Variants in DNAI4 observed in about 807,000 individuals in gnomAD.
DNAI4 encodes dynein axonemal intermediate chain 4, also known as WD repeat domain 78.
A neutral mutation model predicts 105.8 loss-of-function variants in DNAI4; 85 were observed. The observed-to-expected ratio is 0.80, with a 90% CI of 0.67 to 0.96. DNAI4 has a LOEUF of 0.96. DNAI4 is among the 40% of genes least tolerant of loss of function. The pLI, the probability that DNAI4 is intolerant of heterozygous loss-of-function variation, is 0.00. For synonymous variants in DNAI4, 352 were observed against 331.5 expected (o/e 1.06, Z -0.67); for missense variants, 1,014 against 1,005.6 (o/e 1.01, Z -0.11).
chr1:66,894,051 A>C (rs191469915), intron 2 of DNAI4, among the ~76,000 whole-genome samples: 40 of 152,334 alleles, frequency 2.6e-4, no homozygotes, highest in African/African-American at 9.6e-4. Flanking sequence ...TGATAATAAT[A>C]ATAAATTATG....
chr1:66,843,901 G>A (rs962227590), intron 8 of DNAI4, among the ~76,000 whole-genome samples: 6 of 151,546 alleles, frequency 4.0e-5, no homozygotes, highest in East Asian at 1.9e-4. Context: ...TCTTGACCAC[G>A]ATAGCTTTAT....
chr1:66,863,455 A>G (rs1389747520), intron 6 of DNAI4, among the ~76,000 whole-genome samples: 3 of 151,562 alleles, frequency 2.0e-5, no homozygotes, highest in Non-Finnish European at 2.9e-5. Flanking sequence ...TTGTTTGTTT[A>G]TTTGTTTGTT....
chr1:66,890,475 T>C lies in DNAI4; in HGVS notation c.643+679A>G, dbSNP rs182487502. 5.2e-3 allele frequency: 802 copies of C among 153,090 alleles called. 8 individuals carry two copies. The highest frequency in any genetic ancestry group is 0.018 in the African/African-American group (765 of 41,520). The allele number at this position is 153,090 out of a possible 1,614,324, so 9.5% of individuals were successfully genotyped here. Reference sequence around the variant, plus strand: ...TTAGCCAGGCATGGTGGCGGACACCTGCAATCCCAGCTACTTGGGAGGCTG... The same window carrying C: ...TTAGCCAGGCATGGTGGCGGACACCCGCAATCCCAGCTACTTGGGAGGCTG... On this transcript the variant is annotated intron_variant, in intron 4 of 16. Transcript: ENST00000371026. The surrounding 1 kb of genome is among the most constrained non-coding windows in gnomAD (Gnocchi z 4.1).
intron 16 of DNAI4, among the ~76,000 whole-genome samples, chr1:66,822,066 T>C (rs928523836): frequency 5.9e-5 from 9 of 152,136 alleles, no homozygotes; most frequent in African/African-American, 1.7e-4. Context: ...TTAAGAATTA[T>C]TAAGTCCCAA....
intron 16 of DNAI4, among the ~76,000 whole-genome samples, chr1:66,821,151 T>G (rs1371492310): frequency 7.4e-6 from 1 of 134,494 alleles, no homozygotes; most frequent in Non-Finnish European, 1.5e-5. Flanking sequence ...CAGGCTGGAG[T>G]GCAGTGGCGC....
At chr1:66,846,410 T>C (rs1294498690) in intron 8 of DNAI4, among the ~76,000 whole-genome samples, 1 of 152,188 alleles carries the variant, frequency 6.6e-6, no homozygotes, top group Non-Finnish European at 1.5e-5. Context: ...AAAGGAAGTT[T>C]CCTTAATCCA....
intron 6 of DNAI4, among the ~76,000 whole-genome samples, chr1:66,866,349 T>C (rs1380958687): frequency 6.6e-6 from 1 of 151,842 alleles, no homozygotes; most frequent in African/African-American, 2.4e-5. Flanking sequence ...GCAAGCTAGA[T>C]GCAGAAAAGA....
chr1:66,827,472 C>G (rs935030751), intron 14 of DNAI4, among the ~76,000 whole-genome samples: 1 of 151,774 alleles, frequency 6.6e-6, no homozygotes, highest in East Asian at 1.9e-4. Context: ...GCCTGGGTAA[C>G]AGTGAGACCC....
At chr1:66,869,066 C>G (rs1646788273) in intron 6 of DNAI4, among the ~76,000 whole-genome samples, 1 of 141,096 alleles carries the variant, frequency 7.1e-6, no homozygotes, top group African/African-American at 3.0e-5. Flanking sequence ...GAGTGAGACT[C>G]TGTCTCAAAA....
intron 1 of DNAI4, among the ~76,000 whole-genome samples, chr1:66,911,385 T>C (rs2100860363): frequency 6.6e-6 from 1 of 152,112 alleles, no homozygotes; most frequent in South Asian, 2.1e-4. Flanking sequence ...TTTATGGAGG[T>C]TTTATTAAGA....
chr1:66,912,881 T>C (rs1202810443), intron 1 of DNAI4, among the ~76,000 whole-genome samples: 1 of 152,140 alleles, frequency 6.6e-6, no homozygotes, highest in Non-Finnish European at 1.5e-5. Context: ...AATAGGACCA[T>C]TTGCTGAGGT....
At chr1:66,837,825 TA>T in intron 9 of DNAI4, 29 bp from the exon 10 acceptor site, 1 of 1,559,740 alleles carries the variant, frequency 6.4e-7, no homozygotes. Flanking sequence ...CATTTAAAAA[TA>T]AGAGAAGATA....
At chr1:66,836,254 G>GAGAGAAAGAA (rs1646007710) in intron 10 of DNAI4, among the ~76,000 whole-genome samples, 1 of 99,008 alleles carries the variant, frequency 1.0e-5, no homozygotes, top group Non-Finnish European at 2.0e-5. Flanking sequence ...AAGAGAGAGA[G>GAGAGAAAGAA]AGAAAGAAAG....
At chr1:66,894,196 TTA>T (rs1468739271) in intron 2 of DNAI4, among the ~76,000 whole-genome samples, 1 of 152,156 alleles carries the variant, frequency 6.6e-6, no homozygotes, top group Non-Finnish European at 1.5e-5. Context: ...GATGATATTG[TTA>T]TAAGAGATGA....
intron 1 of DNAI4, chr1:66,921,504 A>T (rs1235113413): frequency 6.6e-6 from 1 of 152,240 alleles, no homozygotes; most frequent in Non-Finnish European, 1.5e-5. Context: ...TACTGCAAAA[A>T]GTGAAGGTTA....
chr1:66,906,403 C>T (rs1052978345), intron 1 of DNAI4, among the ~76,000 whole-genome samples: 6 of 152,080 alleles, frequency 3.9e-5, no homozygotes, highest in East Asian at 3.9e-4. Flanking sequence ...TAAAAATATG[C>T]TTCCAAAGAA....
chr1:66,905,167 T>C, intron 2 of DNAI4, 34 bp downstream of exon 2: 1 of 1,440,552 alleles, frequency 6.9e-7, no homozygotes, highest in South Asian at 1.5e-5. Flanking sequence ...CACAGTGCCA[T>C]TTTCAAATAA....
At chr1:66,917,577 C>G (rs1650160937) in intron 1 of DNAI4, among the ~76,000 whole-genome samples, 1 of 152,196 alleles carries the variant, frequency 6.6e-6, no homozygotes, top group African/African-American at 2.4e-5. Flanking sequence ...ATCTTTTTAA[C>G]TCTTGCTTTA....
chr1:66,867,140 G>A (rs1056280730), intron 6 of DNAI4, among the ~76,000 whole-genome samples: 1 of 152,158 alleles, frequency 6.6e-6, no homozygotes, highest in African/African-American at 2.4e-5. Flanking sequence ...AGATTTGGGT[G>A]GGAACACAGC....
Sources: gnomAD v4.1 joint callset for allele counts (sites outside exome capture counted in the v4.1 genomes callset) on GRCh38, gnomAD v4.1.1 for gene constraint, Gnocchi (gnomAD v3.1) non-coding constraint, MANE v1.5 for transcripts, NCBI Gene and HGNC (gene_info 2026-07-23, HGNC 2026-07-21) for gene names.